DOCK3: variants seen among roughly 807,000 people sequenced by gnomAD.
The protein encoded by DOCK3 is dedicator of cytokinesis protein 3.
Under a neutral mutation model 265.6 loss-of-function variants are expected in DOCK3, and 60 were observed. The ratio of observed to expected loss-of-function variants is 0.23; its 90% CI spans 0.18 to 0.28. The LOEUF is 0.28. DOCK3 is among the 10% of genes least tolerant of loss of function. The probability of loss-of-function intolerance (pLI) is 1.00; values close to 1 mark genes in which losing one functional copy is unlikely to be tolerated. For missense variants in DOCK3, 1,981 were observed against 2,594.3 expected, an observed-to-expected ratio of 0.76 and a Z score of 5.14; for synonymous variants, 881 against 938.0, an observed-to-expected ratio of 0.94 and a Z score of 1.11.
At chr3:50,906,673 A>T (rs555857490) in intron 4 of DOCK3, among the ~76,000 whole-genome samples, 1 of 151,940 alleles carries the variant, frequency 6.6e-6, no homozygotes, top group East Asian at 1.9e-4. Context: ...TATTCTTGCT[A>T]GAAGTCTATC....
chr3:50,773,402 A>G (rs1301123152), intron 1 of DOCK3, among the ~76,000 whole-genome samples: 1 of 152,118 alleles, frequency 6.6e-6, no homozygotes, highest in Non-Finnish European at 1.5e-5. Flanking sequence ...TTGAAAGCCA[A>G]TGTAGAAGGA....
chr3:51,170,695 A>G (rs1361206385), intron 12 of DOCK3, among the ~76,000 whole-genome samples: 1 of 152,204 alleles, frequency 6.6e-6, no homozygotes, highest in Non-Finnish European at 1.5e-5. Context: ...CTGTAATCCC[A>G]GCGCTTTGGG....
intron 7 of DOCK3, among the ~76,000 whole-genome samples, chr3:51,079,215 C>T (rs560745034): frequency 6.6e-6 from 1 of 152,140 alleles, no homozygotes; most frequent in Non-Finnish European, 1.5e-5. Flanking sequence ...AAAGTTTGCA[C>T]TCATAGCATT....
chr3:50,774,433 T>C (rs1258857279), intron 1 of DOCK3, among the ~76,000 whole-genome samples: 2 of 152,026 alleles, frequency 1.3e-5, no homozygotes, highest in Admixed American at 1.3e-4. Flanking sequence ...CATGTCTCAT[T>C]AGATTTATTT....
intron 1 of DOCK3, among the ~76,000 whole-genome samples, chr3:50,678,973 C>T (rs989211367): frequency 2.0e-5 from 3 of 152,092 alleles, no homozygotes; most frequent in Non-Finnish European, 4.4e-5. Context: ...CCATGCCCGG[C>T]TAATTTTGTT....
intron 4 of DOCK3, among the ~76,000 whole-genome samples, chr3:50,897,298 A>G (rs2048943667): frequency 6.6e-6 from 1 of 152,176 alleles, no homozygotes; most frequent in Non-Finnish European, 1.5e-5. Flanking sequence ...TTATTGGTGT[A>G]TAAGAATGCT....
intron 1 of DOCK3, among the ~76,000 whole-genome samples, chr3:50,719,178 G>T (rs1473160354): frequency 6.6e-6 from 1 of 151,410 alleles, no homozygotes; most frequent in African/African-American, 2.4e-5. Flanking sequence ...TAGGACTCTA[G>T]TAGTAAGTTT....
intron 10 of DOCK3, among the ~76,000 whole-genome samples, chr3:51,155,287 A>G (rs1361208544): frequency 2.6e-5 from 4 of 152,078 alleles, no homozygotes; most frequent in African/African-American, 4.8e-5. Flanking sequence ...CCTGCCCTGG[A>G]TTTTTTAAAA....
At chr3:50,814,784 A>G (rs1022042269) in intron 2 of DOCK3, among the ~76,000 whole-genome samples, 8 of 152,046 alleles carry the variant, frequency 5.3e-5, no homozygotes, top group Admixed American at 3.9e-4. Flanking sequence ...ATATACTTTC[A>G]TATTTTAAAA....
At chr3:51,040,014 T>C (rs1359145648) in intron 5 of DOCK3, among the ~76,000 whole-genome samples, 1 of 151,910 alleles carries the variant, frequency 6.6e-6, no homozygotes, top group African/African-American at 2.4e-5. Flanking sequence ...ATTCATGTCT[T>C]TAAACCATCT....
chr3:51,287,935 G>A (rs537515868), intron 27 of DOCK3, among the ~76,000 whole-genome samples: 27 of 152,308 alleles, frequency 1.8e-4, no homozygotes, highest in Middle Eastern at 3.4e-3. Flanking sequence ...ACATATACAC[G>A]TTGGAATACT....
intron 1 of DOCK3, among the ~76,000 whole-genome samples, chr3:50,712,015 G>A (rs1399819271): frequency 6.6e-6 from 1 of 152,042 alleles, no homozygotes; most frequent in Non-Finnish European, 1.5e-5. Context: ...AGTTGGTGAT[G>A]TTCCATGTCT....
chr3:51,293,386 C>G (rs1015461229), intron 27 of DOCK3, among the ~76,000 whole-genome samples: 9 of 152,126 alleles, frequency 5.9e-5, no homozygotes, highest in Non-Finnish European at 1.2e-4. Flanking sequence ...AAAGGAGAGT[C>G]TCATCAATAA....
chr3:50,693,988 G>A (rs1408075499), intron 1 of DOCK3, among the ~76,000 whole-genome samples: 2 of 151,992 alleles, frequency 1.3e-5, no homozygotes, highest in Non-Finnish European at 2.9e-5. Context: ...AAAATTGTTG[G>A]CCAAGTGTGG....
intron 9 of DOCK3, among the ~76,000 whole-genome samples, chr3:51,130,075 CA>C (rs1479057350): frequency 6.6e-6 from 1 of 152,214 alleles, no homozygotes; most frequent in African/African-American, 2.4e-5. Flanking sequence ...AATATCTCGA[CA>C]AGCCCCACAC....
At chr3:51,288,507 C>T (rs1231050804) in intron 27 of DOCK3, among the ~76,000 whole-genome samples, 1 of 151,890 alleles carries the variant, frequency 6.6e-6, no homozygotes, top group Non-Finnish European at 1.5e-5. Context: ...GTGCTTATTG[C>T]TGGGGCAGTA....
intron 5 of DOCK3, among the ~76,000 whole-genome samples, chr3:50,936,812 A>T (rs560920364): frequency 6.6e-6 from 1 of 152,360 alleles, no homozygotes; most frequent in Admixed American, 6.5e-5. Context: ...CTATAAAGGA[A>T]GTTGTTCAGA....
intron 5 of DOCK3, among the ~76,000 whole-genome samples, chr3:50,970,932 TATATATATATA>T (rs2077200778): frequency 1.3e-5 from 1 of 75,458 alleles, no homozygotes; most frequent in African/African-American, 5.5e-5. Context: ...TATATATATA[TATATATATATA>T]TATAATGTGT....
At chr3:50,900,462 C>T (rs949109536) in intron 4 of DOCK3, among the ~76,000 whole-genome samples, 40 of 152,292 alleles carry the variant, frequency 2.6e-4, no homozygotes, top group African/African-American at 9.6e-4. Context: ...TACCCACCTT[C>T]TAAAGCCTAC....
Sources: allele counts gnomAD v4.1 joint callset (sites outside exome capture counted in the v4.1 genomes callset), GRCh38; gene constraint gnomAD v4.1.1; transcripts MANE v1.5; gene names NCBI Gene and HGNC (gene_info 2026-07-23, HGNC 2026-07-21).